SLC12A5: variants seen among roughly 807,000 people sequenced by gnomAD.
The protein encoded by SLC12A5 is solute carrier family 12 member 5.
A neutral mutation model predicts 124.0 loss-of-function variants in SLC12A5; 18 were observed. That is an observed-to-expected ratio of 0.15 (90% CI 0.10 to 0.22). The LOEUF (loss-of-function observed/expected upper bound fraction) is 0.22. Ranked by LOEUF, SLC12A5 falls within the 10% of genes least tolerant of loss-of-function variation. The pLI is 1.00. For missense variants in SLC12A5, 867 were observed against 1,478.7 expected (o/e 0.59, Z 6.78); for synonymous variants, 589 against 568.0 (o/e 1.04, Z -0.53).
chr20:46,034,753 C>T (rs1787946375), intron 1 of SLC12A5, among the ~76,000 whole-genome samples, 195 bp from the exon 2 acceptor site: 2 of 152,120 alleles, frequency 1.3e-5, no homozygotes, highest in Admixed American at 1.3e-4. Flanking sequence ...TGTTAATACG[C>T]AGTGCATACC....
At chr20:46,047,749 G>A (rs73112825) in intron 15 of SLC12A5, among the ~76,000 whole-genome samples, 176 bp downstream of exon 15, 4,540 of 152,140 alleles carry the variant, frequency 0.03, 102 homozygotes, top group Middle Eastern at 0.071. Context: ...AAGATGGGGG[G>A]TGGGAGCAGA....
chr20:46,046,513 C>T, intron 14 of SLC12A5, 77 bp downstream of exon 14: 1 of 1,330,058 alleles, frequency 7.5e-7, no homozygotes, highest in Non-Finnish European at 1.1e-6. Flanking sequence ...TCCAGTCCAT[C>T]CCCTCTGGGT....
chr20:46,023,352 TC>T (rs2084371930), intron 2 of SLC12A5: 1 of 398,496 alleles, frequency 2.5e-6, no homozygotes. Flanking sequence ...TCTCAACCCT[TC>T]CTTTTTTCTT....
In SLC12A5 at chr20:46,051,699, G is replaced by A. The variant is rs2031310085; in HGVS notation, c.2206G>A (p.Glu736Lys). The change falls in exon 18 of 26, where the codon GAG becomes AAG. Residue 736 changes from glutamate to lysine, a missense_variant. Coordinates refer to ENST00000243964, the MANE Select transcript of SLC12A5 (RefSeq NM_020708.5). ...EESIRRLMEA[E>K]KVKGFCQVVI... The stretch of plus-strand genomic sequence containing the variant: ...GTCTATCAGGCGCCTGATGGAGGCA[G>A]AGAAGGTGAAGGGCTTCTGCCAGGT... The A allele has an allele frequency of 6.2e-7, 1 of 1,609,264 alleles. No individual in the cohort carries two copies. Among genetic ancestry groups the A allele is most frequent in the African/African-American group, 1.3e-5 (1 of 74,680 alleles).
At chr20:46,036,881 AAG>A in intron 5 of SLC12A5, 86 bp downstream of exon 5, 1 of 1,518,138 alleles carries the variant, frequency 6.6e-7, no homozygotes, top group Non-Finnish European at 9.1e-7. Flanking sequence ...ATCAAGGCCC[AAG>A]AGAGATAATA....
Position 46,056,421 on chromosome 20 carries a change from A to G in SLC12A5, c.2967A>G (p.Pro989=), listed in dbSNP as rs1441127714. 43 of 1,613,716 alleles carry G rather than the reference A, an allele frequency of 2.7e-5. No individual in the cohort carries two copies. Among genetic ancestry groups the G allele is most frequent in the Admixed American group, 6.7e-5 (4 of 59,976 alleles). ...GCTGCCCCAGCAGCTCCCCGTCCCCAGGGGAGGAGCCTGAGGGGGAAGGGG... is the reference window on the plus strand; with the variant it reads ...GCTGCCCCAGCAGCTCCCCGTCCCCGGGGGAGGAGCCTGAGGGGGAAGGGG... ...APSCPSSSPS[P]GEEPEGEGET... Residue 989 remains proline, a synonymous_variant, in exon 23 of 26, where the codon CCA becomes CCG. Transcript: ENST00000243964. The surrounding 1 kb of genome is among the most constrained non-coding windows in gnomAD (Gnocchi z 4.3).
At position 46,053,434 on chromosome 20, in the gene SLC12A5, G is replaced by T; in HGVS notation, c.2548-144G>T. On this transcript the variant is annotated intron_variant, in intron 19 of 25. Transcript: ENST00000243964. The surrounding 1 kb of genome is among the most constrained non-coding windows in gnomAD (Gnocchi z 4.7). ...AGCAGGGAAGGTTTTGTAGAGAGTG[G>T]CCCCAAAGACAGAGGATTTGGGGTC... 2 of 1,151,240 alleles carry T rather than the reference G, an allele frequency of 1.7e-6. No homozygotes were observed. The highest frequency in any genetic ancestry group is 2.4e-5 in the East Asian group (1 of 41,932). 71.3% of individuals were successfully genotyped at this position (1,151,240 alleles called of 1,614,324 possible).
At position 46,037,293 on chromosome 20, in the gene SLC12A5, C is replaced by T. The variant is rs1215655976; in HGVS notation, c.520C>T (p.Pro174Ser). The T allele has an allele frequency of 6.2e-7, 1 of 1,611,342 alleles. No individual in the cohort carries two copies. Among genetic ancestry groups the T allele is most frequent in the East Asian group, 2.2e-5 (1 of 44,756 alleles). Residue 174 changes from proline (P) to serine (S), a missense_variant, in exon 6 of 26, where the codon CCA (proline) becomes TCA (serine). Physicochemically the swap from Pro to Ser is moderately conservative, Grantham distance 74. Coordinates refer to ENST00000243964, the MANE Select transcript of SLC12A5 (RefSeq NM_020708.5). ...SYYMISRSLG[P>S]EFGGAVGLCF... ...CTACATGATTTCCAGGTCTCTGGGC[C>T]CAGAGTTTGGGGGTGCCGTGGGCCT... is the stretch of plus-strand genomic sequence containing the variant.
At chr20:46,046,147 G>T (rs2084593486) in intron 13 of SLC12A5, 151 bp downstream of exon 13, 5 of 879,370 alleles carry the variant, frequency 5.7e-6, no homozygotes, top group Non-Finnish European at 9.3e-6. Context: ...GTTATAGAGA[G>T]ATTCATCCAC....
At chr20:46,029,923 T>C (rs1192528769) in intron 1 of SLC12A5, among the ~76,000 whole-genome samples, 4 of 134,496 alleles carry the variant, frequency 3.0e-5, no homozygotes, top group African/African-American at 1.6e-4. Context: ...TGTGCGTGTG[T>C]GTGTGTGTGT....
rs535643953 is a variant in SLC12A5 at position 46,059,370 on chromosome 20, C to A, written c.*1765C>A. 1 of 390,780 alleles carries A rather than the reference C, an allele frequency of 2.6e-6. No individual in the cohort carries two copies. The highest frequency in any genetic ancestry group is 4.5e-6 in the Non-Finnish European group (1 of 221,794). 24.2% of individuals were successfully genotyped at this position (390,780 alleles called of 1,614,324 possible). A position where few individuals can be genotyped will look rare whatever the true frequency, so the allele number is the denominator to read the frequency against. ...AGGTCTGCCAGTTACACCAAGTCCC[C>A]TCTGAGATTCGATCAGGGGACTGGA... On this transcript the variant is annotated 3_prime_UTR_variant, in exon 26 of 26. Coordinates refer to ENST00000243964, the MANE Select transcript of SLC12A5 (RefSeq NM_020708.5).
Position 46,056,435 on chromosome 20 carries a change from AGGG to A in SLC12A5, c.2984_2986del (p.Gly995del), listed in dbSNP as rs375422107. On this transcript the variant is annotated inframe_deletion, in exon 23 of 26. Coordinates refer to ENST00000243964, the MANE Select transcript of SLC12A5 (RefSeq NM_020708.5). This position sits in a 1 kb window ranked among gnomAD's most constrained non-coding sequence, Gnocchi z 4.3. ...TCCCCGTCCCCAGGGGAGGAGCCTG[AGGG>A]GGAAGGGGAGACAGATCCGGAGAAG... is the stretch of plus-strand genomic sequence containing the variant. The A allele has an allele frequency of 6.2e-7, 1 of 1,613,976 alleles. No individual in the cohort carries two copies. The highest frequency in any genetic ancestry group is 8.5e-7 in the Non-Finnish European group (1 of 1,179,914).
intron 20 of SLC12A5, among the ~76,000 whole-genome samples, chr20:46,054,164 T>C (rs1311584075): frequency 6.6e-6 from 1 of 152,238 alleles, no homozygotes; most frequent in Non-Finnish European, 1.5e-5. Context: ...ATTGCTCTTA[T>C]GCTACAGACT....
chr20:46,041,173 A>C, intron 7 of SLC12A5, 156 bp from the exon 8 acceptor site: 3 of 649,660 alleles, frequency 4.6e-6, no homozygotes, highest in African/African-American at 3.7e-5. Context: ...GAAAAAAAAA[A>C]AAAAGCCAAT....
chr20:46,049,432 G>A (rs2145499170), intron 16 of SLC12A5, among the ~76,000 whole-genome samples, 190 bp from the exon 17 acceptor site: 1 of 152,312 alleles, frequency 6.6e-6, no homozygotes, highest in Non-Finnish European at 1.5e-5. Context: ...GGTTGAATGG[G>A]TAGATAGGTG....
In SLC12A5 at chr20:46,045,829, C is replaced by T. The variant is rs781575546; in HGVS notation, c.1570-49C>T. The T allele has an allele frequency of 1.8e-5, 27 of 1,517,608 alleles. No individual in the cohort carries two copies. In the Admixed American group the frequency reaches 4.6e-4, roughly 26 times the overall value. The allele number at this position is 1,517,608 out of a possible 1,614,324, so 94.0% of individuals were successfully genotyped here. On this transcript the variant is annotated intron_variant, in intron 12 of 25. Transcript: ENST00000243964. This position sits in a 1 kb window ranked among gnomAD's most constrained non-coding sequence, Gnocchi z 4.9. ...TGGTTCCCGAGGCTAGGGGAGAGGG[C>T]TGAGAAATCCTTGAGGTCTCAGTCC...
downstream of SLC12A5, chr20:46,023,725 G>A (rs1209004080): frequency 6.7e-6 from 2 of 300,184 alleles, no homozygotes; most frequent in African/African-American, 2.2e-5. Context: ...TTTCCTCTTC[G>A]GCCCACCCAC....
intron 4 of SLC12A5, chr20:46,036,452 A>C: frequency 2.9e-6 from 1 of 347,772 alleles, no homozygotes; most frequent in East Asian, 5.1e-5. Context: ...AGGCTTGGAG[A>C]AGTGAAGTGA....
rs771915911 is a variant in SLC12A5, at chr20:46,056,239, G to A, written c.2877G>A (p.Thr959=). 26 of 1,614,060 alleles carry A rather than the reference G, an allele frequency of 1.6e-5. No homozygotes were observed. The highest frequency in any genetic ancestry group is 1.3e-4 in the South Asian group (12 of 91,090). ...TCCGCCTGAACGTCCCAGAAGAGAC[G>A]GCTGGTGACAGTGAAGAGAAGCCAG... ...TRLRLNVPEE[T]AGDSEEKPEE... is the part of the protein sequence containing the mutation. The change falls in exon 22 of 26, where the codon ACG becomes ACA. Residue 959 remains threonine, a synonymous_variant. Transcript: ENST00000243964. This position sits in a 1 kb window ranked among gnomAD's most constrained non-coding sequence, Gnocchi z 4.3.
Sources: gnomAD v4.1 joint callset for allele counts (sites outside exome capture counted in the v4.1 genomes callset) on GRCh38, gnomAD v4.1.1 for gene constraint, Gnocchi (gnomAD v3.1) non-coding constraint, MANE v1.5 for transcripts, NCBI Gene and HGNC (gene_info 2026-07-23, HGNC 2026-07-21) for gene names.